Variants in CLMN observed in about 807,000 individuals in gnomAD.
The protein encoded by CLMN is calmin (calponin-like, transmembrane).
Under a neutral mutation model 92.7 loss-of-function variants are expected in CLMN, and 57 were observed. The observed-to-expected ratio is 0.61, with a 90% CI of 0.50 to 0.77. The LOEUF (loss-of-function observed/expected upper bound fraction) is 0.77. Ranked by LOEUF, CLMN falls within the 30% of genes least tolerant of loss-of-function variation. The probability of loss-of-function intolerance (pLI) is 0.00; values close to 1 mark genes in which losing one functional copy is unlikely to be tolerated. For missense variants in CLMN, 1,158 were observed against 1,237.5 expected (o/e 0.94, Z 0.96); for synonymous variants, 466 against 470.6 (o/e 0.99, Z 0.13).
chr14:95,308,713 C>T (rs201722590), intron 1 of CLMN, among the ~76,000 whole-genome samples: 1 of 151,450 alleles, frequency 6.6e-6, no homozygotes, highest in African/African-American at 2.4e-5. Context: ...CAGTCCCTGA[C>T]TTGATTTTTA....
chr14:95,276,929 T>C (rs1899952430), intron 1 of CLMN, among the ~76,000 whole-genome samples: 2 of 139,812 alleles, frequency 1.4e-5, no homozygotes, highest in Non-Finnish European at 3.0e-5. Context: ...TATGGTTCCA[T>C]AAAAGTGAAA....
rs1896346933 is a variant in CLMN, at chr14:95,182,329, C to G, written c.*9235G>C. 1 of 152,214 alleles carries G rather than the reference C, an allele frequency of 6.6e-6. No homozygotes were observed. The highest frequency in any genetic ancestry group is 1.5e-5 in the Non-Finnish European group (1 of 68,042). The allele number at this position is 152,214 out of a possible 1,614,324, so 9.4% of individuals were successfully genotyped here. Reference sequence around the variant, plus strand: ...ACAATAAGGAAACATTCAATCTGCTCAATAGACCAGACTCCCCCAAAATAA... The same window carrying G: ...ACAATAAGGAAACATTCAATCTGCTGAATAGACCAGACTCCCCCAAAATAA... On this transcript the variant is annotated 3_prime_UTR_variant, in exon 13 of 13. Coordinates refer to ENST00000298912, the MANE Select transcript of CLMN (RefSeq NM_024734.4).
chr14:95,286,289 G>A (rs909621078), intron 1 of CLMN, among the ~76,000 whole-genome samples: 1 of 152,154 alleles, frequency 6.6e-6, no homozygotes, highest in African/African-American at 2.4e-5. Context: ...GCCATACAAT[G>A]GAATATTATT....
intron 1 of CLMN, among the ~76,000 whole-genome samples, chr14:95,297,421 G>A (rs568447809): frequency 3.9e-5 from 6 of 152,192 alleles, no homozygotes; most frequent in African/African-American, 1.4e-4. Flanking sequence ...GTGAGTTCTG[G>A]CAAACAAATA....
At chr14:95,251,866 C>T (rs980254183) in intron 1 of CLMN, among the ~76,000 whole-genome samples, 1 of 152,150 alleles carries the variant, frequency 6.6e-6, no homozygotes, top group Non-Finnish European at 1.5e-5. Context: ...ATTCTCATAG[C>T]TCCAGGCACA....
intron 1 of CLMN, among the ~76,000 whole-genome samples, chr14:95,251,203 C>T (rs28493888): frequency 0.026 from 3,995 of 151,106 alleles, 191 homozygotes; most frequent in African/African-American, 0.094. Context: ...GGTTCTTAGA[C>T]AATGATGATA....
At chr14:95,220,331 C>T (rs534384870) in intron 4 of CLMN, among the ~76,000 whole-genome samples, 246 of 152,142 alleles carry the variant, frequency 1.6e-3, no homozygotes, top group African/African-American at 5.7e-3. Context: ...TCCCCACGAC[C>T]GTGCCCAGCT....
intron 1 of CLMN, among the ~76,000 whole-genome samples, chr14:95,302,229 G>A (rs1338296779): frequency 6.6e-6 from 1 of 152,094 alleles, no homozygotes; most frequent in South Asian, 2.1e-4. Context: ...GAACCCGGGA[G>A]GCAGAGGTTG....
At chr14:95,238,550 G>A (rs1898133572) in intron 1 of CLMN, among the ~76,000 whole-genome samples, 1 of 152,122 alleles carries the variant, frequency 6.6e-6, no homozygotes, top group Admixed American at 6.5e-5. Flanking sequence ...ACCCTCTTTG[G>A]GACCATGCGC....
chr14:95,292,476 C>T (rs543156316), intron 1 of CLMN, among the ~76,000 whole-genome samples: 7 of 134,150 alleles, frequency 5.2e-5, no homozygotes, highest in African/African-American at 1.9e-4. Flanking sequence ...CATCTTGGGT[C>T]ACAGGCTCCA....
At chr14:95,241,120 C>T (rs932741301) in intron 1 of CLMN, among the ~76,000 whole-genome samples, 6 of 151,988 alleles carry the variant, frequency 3.9e-5, no homozygotes, top group African/African-American at 1.2e-4. Context: ...TACAAATGAC[C>T]CTGATTTGCA....
chr14:95,284,688 C>T (rs913215027), intron 1 of CLMN, among the ~76,000 whole-genome samples: 1 of 151,996 alleles, frequency 6.6e-6, no homozygotes. Context: ...TTTTTTTGGC[C>T]AATTTCTCCC....
chr14:95,242,038 C>CT (rs1898261308), intron 1 of CLMN, among the ~76,000 whole-genome samples: 1 of 151,964 alleles, frequency 6.6e-6, no homozygotes, highest in Admixed American at 6.6e-5. Context: ...ATCATTGTTC[C>CT]TGGGCAGAAA....
At chr14:95,319,654 G>C (rs1469949183) in intron 1 of CLMN, 57 bp downstream of exon 1, 2 of 1,422,342 alleles carry the variant, frequency 1.4e-6, no homozygotes, top group Admixed American at 3.8e-5. Flanking sequence ...GTGTCGGAGC[G>C]GCGCCCCGGG....
intron 1 of CLMN, among the ~76,000 whole-genome samples, chr14:95,250,248 G>A (rs1167657531): frequency 6.6e-6 from 1 of 152,196 alleles, no homozygotes; most frequent in Non-Finnish European, 1.5e-5. Flanking sequence ...ACTTGCAGGT[G>A]AACGATAAAA....
At chr14:95,284,860 C>T (rs1176303381) in intron 1 of CLMN, among the ~76,000 whole-genome samples, 1 of 152,030 alleles carries the variant, frequency 6.6e-6, no homozygotes, top group Admixed American at 6.6e-5. Flanking sequence ...TTAGTTAAGG[C>T]TTTGGGGGAC....
intron 4 of CLMN, 30 bp from the exon 5 acceptor site, chr14:95,215,763 C>G (rs373593046): frequency 6.5e-7 from 1 of 1,533,484 alleles, no homozygotes; most frequent in Non-Finnish European, 9.0e-7. Context: ...GAACTTAAAG[C>G]GAGGTGTCCA....
At chr14:95,216,588 C>T (rs1332673239) in intron 4 of CLMN, among the ~76,000 whole-genome samples, 4 of 152,274 alleles carry the variant, frequency 2.6e-5, no homozygotes, top group East Asian at 1.9e-4. Context: ...CACAGAGCAC[C>T]GACATGAGCA....
intron 1 of CLMN, among the ~76,000 whole-genome samples, chr14:95,286,002 TGGAGGA>T (rs1055275701): frequency 2.6e-5 from 4 of 151,692 alleles, no homozygotes; most frequent in Admixed American, 2.6e-4. Context: ...CTATGGGAAG[TGGAGGA>T]GGAGGAGGAA....
Sources: gnomAD v4.1 joint callset for allele counts (sites outside exome capture counted in the v4.1 genomes callset) on GRCh38, gnomAD v4.1.1 for gene constraint, MANE v1.5 for transcripts, NCBI Gene and HGNC (gene_info 2026-07-23, HGNC 2026-07-21) for gene names.